The following TOX3 variants were observed in gnomAD, a reference collection of about 807,000 sequenced individuals.
TOX3 encodes the protein TOX high mobility group box family member 3, also known as CAG trinucleotide repeat-containing gene F9 protein.
Under a neutral mutation model 64.3 loss-of-function variants are expected in TOX3, and 22 were observed. The ratio of observed to expected loss-of-function variants is 0.34; its 90% CI spans 0.24 to 0.49. TOX3 has a LOEUF of 0.49. TOX3 is among the 20% of genes least tolerant of loss of function. TOX3 has a pLI of 0.99. For synonymous variants in TOX3, 291 were observed against 273.6 expected, an observed-to-expected ratio of 1.06 and a Z score of -0.63; for missense variants, 661 against 714.4, an observed-to-expected ratio of 0.93 and a Z score of 0.85.
chr16:52,520,920 CTT>C (rs1019642527), intron 1 of TOX3, among the ~76,000 whole-genome samples: 1 of 152,028 alleles, frequency 6.6e-6, no homozygotes, highest in Non-Finnish European at 1.5e-5. Context: ...AATTAATATG[CTT>C]TTTTGTTAAC....
At chr16:52,450,835 AGG>A (rs1960322555) in intron 3 of TOX3, among the ~76,000 whole-genome samples, 1 of 150,636 alleles carries the variant, frequency 6.6e-6, no homozygotes, top group African/African-American at 2.4e-5. Context: ...GAAGGAAGGA[AGG>A]AAGGAAGGAA....
At chr16:52,530,205 G>A (rs1273002192) in intron 1 of TOX3, among the ~76,000 whole-genome samples, 1 of 152,206 alleles carries the variant, frequency 6.6e-6, no homozygotes, top group Non-Finnish European at 1.5e-5. Flanking sequence ...ATCAGGAAAA[G>A]CGTCCCAGGA....
chr16:52,473,695 T>C (rs1596804944), intron 1 of TOX3, among the ~76,000 whole-genome samples: 1 of 152,320 alleles, frequency 6.6e-6, no homozygotes, highest in East Asian at 1.9e-4. Flanking sequence ...CGGATGATGA[T>C]GAATACTGAT....
At position 52,436,541 on chromosome 16, in the gene TOX3, C is replaced by A. The variant is rs1317495037; in HGVS notation, c.*2684G>T. ...AACTGAAATATAAATGGATATATAACATGCTTTGTGAATCCTGAAAACAAT... is the reference window on the plus strand; with the variant it reads ...AACTGAAATATAAATGGATATATAAAATGCTTTGTGAATCCTGAAAACAAT... On this transcript the variant is annotated 3_prime_UTR_variant, in exon 7 of 7. Transcript: ENST00000219746. 6.6e-6 allele frequency among the ~76,000 whole-genome samples: 1 copy of A among 152,110 alleles called. No individual in the cohort carries two copies. The highest frequency in any genetic ancestry group is 1.5e-5 in the Non-Finnish European group (1 of 68,018).
intron 1 of TOX3, among the ~76,000 whole-genome samples, chr16:52,503,092 T>A (rs1293900265): frequency 1.3e-5 from 2 of 152,246 alleles, no homozygotes; most frequent in Non-Finnish European, 2.9e-5. Context: ...GGTAATTTGC[T>A]GAAACTTGGT....
At chr16:52,526,861 C>T (rs1351295241) in intron 1 of TOX3, among the ~76,000 whole-genome samples, 1 of 152,180 alleles carries the variant, frequency 6.6e-6, no homozygotes, top group Non-Finnish European at 1.5e-5. Context: ...TCAATTGTTC[C>T]AAAAATGTGT....
chr16:52,471,724 A>T (rs565847175), intron 1 of TOX3, among the ~76,000 whole-genome samples: 1 of 152,350 alleles, frequency 6.6e-6, no homozygotes, highest in East Asian at 1.9e-4. Context: ...AAAAGATGAT[A>T]GGAATAAGTA....
At chr16:52,455,765 C>T (rs559145805) in intron 3 of TOX3, among the ~76,000 whole-genome samples, 1 of 152,198 alleles carries the variant, frequency 6.6e-6, no homozygotes, top group African/African-American at 2.4e-5. Flanking sequence ...TGTGCAAGGT[C>T]TGAAGTGGGA....
At chr16:52,468,072 C>T (rs891233991) in intron 2 of TOX3, among the ~76,000 whole-genome samples, 2 of 152,192 alleles carry the variant, frequency 1.3e-5, no homozygotes, top group Non-Finnish European at 2.9e-5. Flanking sequence ...TCTTCTGTCA[C>T]ATAGTTTCCC....
chr16:52,440,468 C>T (rs1265898107), intron 6 of TOX3, among the ~76,000 whole-genome samples: 1 of 152,204 alleles, frequency 6.6e-6, no homozygotes, highest in Non-Finnish European at 1.5e-5. Context: ...AAATGCTCAT[C>T]TTACATCACA....
chr16:52,487,341 C>T (rs1459017880), intron 1 of TOX3, among the ~76,000 whole-genome samples: 1 of 151,776 alleles, frequency 6.6e-6, no homozygotes. Context: ...AAAAAGACAT[C>T]CCTTCATCAT....
chr16:52,448,569 G>C (rs564288892), intron 4 of TOX3, among the ~76,000 whole-genome samples: 1 of 152,154 alleles, frequency 6.6e-6, no homozygotes, highest in Non-Finnish European at 1.5e-5. Context: ...CCCAATGGGG[G>C]TGCTAACATG....
At chr16:52,519,053 G>C (rs1962529285) in intron 1 of TOX3, among the ~76,000 whole-genome samples, 1 of 152,188 alleles carries the variant, frequency 6.6e-6, no homozygotes, top group African/African-American at 2.4e-5. Flanking sequence ...CTCATAGTAA[G>C]GACGACTCAC....
intron 1 of TOX3, among the ~76,000 whole-genome samples, chr16:52,501,501 G>C (rs554116741): frequency 6.2e-4 from 95 of 152,014 alleles, no homozygotes; most frequent in African/African-American, 2.1e-3. Flanking sequence ...GTGAAACCCT[G>C]TCTACTAAAA....
At position 52,439,838 on chromosome 16, in the gene TOX3, T is replaced by C. The variant is rs780882008; in HGVS notation, c.1118A>G (p.Gln373Arg). The change falls in exon 7 of 7, where the codon CAG becomes CGG. Residue 373 changes from glutamine to arginine, a missense_variant. Physicochemically the swap from Gln to Arg is conservative, Grantham distance 43 (BLOSUM62 1). Transcript: ENST00000219746. ...CCTAGGGAGGGATTGCTGGAGAGTC[T>C]GAGGTGATGCTGACACTGTTCCATG... ...SQHGTVSASP[Q>R]TLQQSLPRSI... 2.5e-6 allele frequency: 4 copies of C among 1,613,840 alleles called. No individual in the cohort carries two copies. Among genetic ancestry groups the C allele is most frequent in the South Asian group, 2.2e-5 (2 of 91,074 alleles).
intron 6 of TOX3, among the ~76,000 whole-genome samples, chr16:52,442,215 T>G (rs928540097): frequency 1.6e-4 from 24 of 152,132 alleles, no homozygotes; most frequent in Non-Finnish European, 2.1e-4. Context: ...CTTTGGTTAT[T>G]GTAAAGATTA....
chr16:52,483,858 C>A (rs1264840711), intron 1 of TOX3, among the ~76,000 whole-genome samples: 1 of 152,000 alleles, frequency 6.6e-6, no homozygotes, highest in Admixed American at 6.6e-5. Flanking sequence ...ATGAGAGGAG[C>A]CACAGGGCAG....
chr16:52,456,585 A>C (rs1461487498), intron 3 of TOX3, among the ~76,000 whole-genome samples: 1 of 152,244 alleles, frequency 6.6e-6, no homozygotes, highest in Non-Finnish European at 1.5e-5. Flanking sequence ...TTTTTTAAAC[A>C]GGAAAAATCC....
chr16:52,485,435 G>A (rs951839949), intron 1 of TOX3, among the ~76,000 whole-genome samples: 2 of 151,570 alleles, frequency 1.3e-5, no homozygotes, highest in South Asian at 2.1e-4. Context: ...CTAAATAATG[G>A]GTACACATGG....
Sources: allele counts gnomAD v4.1 joint callset (sites outside exome capture counted in the v4.1 genomes callset), GRCh38; gene constraint gnomAD v4.1.1; transcripts MANE v1.5; gene names NCBI Gene and HGNC (gene_info 2026-07-23, HGNC 2026-07-21).